Variants in WFDC1 observed in about 807,000 individuals in gnomAD.
WFDC1 encodes WAP four-disulfide core domain protein 1.
A neutral mutation model predicts 32.9 loss-of-function variants in WFDC1; 39 were observed. That is an observed-to-expected ratio of 1.19 (90% CI 0.92 to 1.55). WFDC1 has a LOEUF of 1.55. WFDC1 is among the 40% of genes most tolerant of loss of function. The pLI is 0.00. For missense variants in WFDC1, 386 were observed against 309.5 expected, an observed-to-expected ratio of 1.25 and a Z score of -1.85; for synonymous variants, 184 against 137.4, an observed-to-expected ratio of 1.34 and a Z score of -2.37.
Position 84,326,176 on chromosome 16 carries a change from T to C in WFDC1, c.605-706T>C, listed in dbSNP as rs368244702. 13 of 150,766 alleles carry C rather than the reference T, an allele frequency of 8.6e-5. No individual in the cohort carries two copies. In the East Asian group the frequency reaches 1.2e-3, roughly 14 times the overall value. 9.3% of individuals were successfully genotyped at this position (150,766 alleles called of 1,614,324 possible). A position where few individuals can be genotyped will look rare whatever the true frequency, so the allele number is the denominator to read the frequency against. ...ATCTATCCACCCACCCATATATCCA[T>C]GCATCCATCCATCCATCATTTATCC... On this transcript the variant is annotated intron_variant, in intron 5 of 6. Coordinates refer to ENST00000219454, the MANE Select transcript of WFDC1 (RefSeq NM_021197.4).
intron 3 of WFDC1, chr16:84,318,824 C>A: frequency 4.6e-6 from 1 of 216,486 alleles, no homozygotes; most frequent in Non-Finnish European, 9.5e-6. Flanking sequence ...ACTCCACGTC[C>A]ATCTGTGTGT....
chr16:84,299,496 C>T (rs112291170), intron 1 of WFDC1, among the ~76,000 whole-genome samples: 131 of 152,216 alleles, frequency 8.6e-4, no homozygotes, highest in Non-Finnish European at 1.3e-3. Context: ...GGAGCTCAGT[C>T]GGTTCTGTGG....
intron 1 of WFDC1, among the ~76,000 whole-genome samples, chr16:84,306,039 AT>A: frequency 7.2e-6 from 1 of 139,206 alleles, no homozygotes; most frequent in East Asian, 2.5e-4. Context: ...AATAATAATA[AT>A]AATAATAAAA....
intron 3 of WFDC1, chr16:84,319,157 A>G (rs548994178): frequency 2.2e-5 from 11 of 509,340 alleles, no homozygotes; most frequent in African/African-American, 1.2e-4. Context: ...GAACATGTCT[A>G]TATGGATGTT....
chr16:84,306,876 C>G (rs1254887050), intron 1 of WFDC1, among the ~76,000 whole-genome samples: 12 of 152,226 alleles, frequency 7.9e-5, no homozygotes, highest in Non-Finnish European at 1.5e-4. Context: ...CAGGTAAGAA[C>G]AAAACCAAGT....
chr16:84,317,684 A>T (rs1908042997), intron 2 of WFDC1: 1 of 154,304 alleles, frequency 6.5e-6, no homozygotes, highest in Non-Finnish European at 1.4e-5. Context: ...ACAAACCTGC[A>T]TGTGTACCCC....
chr16:84,324,497 C>CAA (rs150266820), intron 5 of WFDC1, 37 bp downstream of exon 5: 181 of 1,577,040 alleles, frequency 1.1e-4, no homozygotes, highest in Non-Finnish European at 1.4e-4. Context: ...CCAGAGGGCA[C>CAA]AAAAAAAAGG....
In WFDC1 at chr16:84,319,468, C is replaced by G. The variant is rs1468873474; in HGVS notation, c.459C>G (p.Pro153=). 3.1e-6 allele frequency: 5 copies of G among 1,612,192 alleles called. No individual in the cohort carries two copies. ...GCACCACGGAGGATGGGGCCGAACC[C>G]CTGCTCTGTCCCTCGGGCTATGAGT... is the stretch of plus-strand genomic sequence containing the variant. ...ACSTTEDGAE[P]LLCPSGYECH... is the part of the protein sequence containing the mutation. Residue 153 remains proline, a synonymous_variant, in exon 4 of 7, where the codon CCC becomes CCG. Coordinates refer to ENST00000219454, the MANE Select transcript of WFDC1 (RefSeq NM_021197.4).
At chr16:84,319,129 G>A (rs925064389) in intron 3 of WFDC1, 2 of 436,852 alleles carry the variant, frequency 4.6e-6, no homozygotes, top group African/African-American at 2.0e-5. Context: ...CTGAGTGTGT[G>A]TTTCAGGGTG....
At chr16:84,304,087 C>T (rs1457102752) in intron 1 of WFDC1, among the ~76,000 whole-genome samples, 2 of 152,228 alleles carry the variant, frequency 1.3e-5, no homozygotes, top group African/African-American at 4.8e-5. Flanking sequence ...TTTGGTTGCA[C>T]ATCCAGCTTG....
In WFDC1 at chr16:84,320,982, C is replaced by T. The variant is rs139655260; in HGVS notation, c.562+1411C>T. Among the ~76,000 whole-genome samples, 181 of 152,240 alleles carry T rather than the reference C, an allele frequency of 1.2e-3. 2 individuals are homozygous for T. Among genetic ancestry groups the T allele is most frequent in the Admixed American group, 2.8e-3 (43 of 15,294 alleles). On this transcript the variant is annotated intron_variant, in intron 4 of 6. Coordinates refer to ENST00000219454, the MANE Select transcript of WFDC1 (RefSeq NM_021197.4). Reference sequence around the variant, plus strand: ...ATTGCAGATAAAGTGATGCAAATCCCGGAATCCTGAACTTTGAAGAAATTA... The same window carrying T: ...ATTGCAGATAAAGTGATGCAAATCCTGGAATCCTGAACTTTGAAGAAATTA...
chr16:84,311,817 C>T (rs911019984), intron 1 of WFDC1, among the ~76,000 whole-genome samples: 8 of 149,818 alleles, frequency 5.3e-5, no homozygotes, highest in Non-Finnish European at 8.8e-5. Flanking sequence ...GGATTATACG[C>T]TTGTGTGCCA....
intron 1 of WFDC1, among the ~76,000 whole-genome samples, chr16:84,310,685 G>A (rs915435462): frequency 1.3e-5 from 2 of 152,086 alleles, no homozygotes; most frequent in Admixed American, 1.3e-4. Context: ...TTACATCTGT[G>A]TGCATTTTTT....
At chr16:84,321,848 C>T (rs1908319674) in intron 4 of WFDC1, among the ~76,000 whole-genome samples, 1 of 152,222 alleles carries the variant, frequency 6.6e-6, no homozygotes, top group Admixed American at 6.5e-5. Flanking sequence ...CTGTAACTTT[C>T]TTCCTCCGTG....
At chr16:84,300,198 A>G (rs545448808) in intron 1 of WFDC1, among the ~76,000 whole-genome samples, 1 of 152,366 alleles carries the variant, frequency 6.6e-6, no homozygotes, top group East Asian at 1.9e-4. Flanking sequence ...CTCTGGCTGC[A>G]GGAGCCTGCT....
In WFDC1 at chr16:84,319,564, G is replaced by A. The variant is rs112023542; in HGVS notation, c.555G>A (p.Arg185=). 2 of 1,612,180 alleles carry A rather than the reference G, an allele frequency of 1.2e-6. No homozygotes were observed. Residue 185 remains arginine (R), a synonymous_variant, in exon 4 of 7, where the codon CGG becomes CGA. Transcript: ENST00000219454. ...PNRGQCVKQR[R]QADGRILRHK... is the part of the protein sequence containing the mutation. ...GTGGGCAGTGCGTCAAGCAGCGCCG[G>A]CAAGCAGGTGAGTGTGGCACCCCAG... is the stretch of plus-strand genomic sequence containing the variant.
intron 1 of WFDC1, among the ~76,000 whole-genome samples, chr16:84,309,224 G>C (rs1907463094): frequency 6.6e-6 from 1 of 152,076 alleles, no homozygotes; most frequent in Admixed American, 6.6e-5. Flanking sequence ...AGGAGGGTCG[G>C]GGCGATGAGA....
chr16:84,319,224 G>A, intron 3 of WFDC1: 3 of 595,048 alleles, frequency 5.0e-6, no homozygotes, highest in Non-Finnish European at 8.8e-6. Context: ...CTGTGTTTGT[G>A]TGCGTGTTTG....
intron 1 of WFDC1, among the ~76,000 whole-genome samples, chr16:84,302,425 C>T (rs560083065): frequency 1.2e-4 from 19 of 152,282 alleles, no homozygotes; most frequent in African/African-American, 4.6e-4. Flanking sequence ...AGGCACCTCT[C>T]GGGAATTCTG....
Sources: gnomAD v4.1 joint callset for allele counts (sites outside exome capture counted in the v4.1 genomes callset) on GRCh38, gnomAD v4.1.1 for gene constraint, MANE v1.5 for transcripts, NCBI Gene and HGNC (gene_info 2026-07-23, HGNC 2026-07-21) for gene names.